IL12RB2: variants seen among roughly 807,000 people sequenced by gnomAD.
IL12RB2 encodes the protein interleukin 12 receptor subunit beta 2, also known as interleukin-12 receptor subunit beta-2.
A neutral mutation model predicts 89.4 loss-of-function variants in IL12RB2; 82 were observed. The ratio of observed to expected loss-of-function variants is 0.92; its 90% CI spans 0.77 to 1.10. The LOEUF (loss-of-function observed/expected upper bound fraction) is 1.10. Among genes scored for constraint, IL12RB2 ranks in the 50% least tolerant of loss-of-function variants. The pLI, the probability that IL12RB2 is intolerant of heterozygous loss-of-function variation, is 0.00. For missense variants in IL12RB2, 963 were observed against 1,031.9 expected (o/e 0.93, Z 0.92); for synonymous variants, 368 against 370.1 (o/e 0.99, Z 0.07).
intron 10 of IL12RB2, among the ~76,000 whole-genome samples, chr1:67,360,156 C>A (rs1392204029): frequency 6.6e-6 from 1 of 152,128 alleles, no homozygotes; most frequent in Non-Finnish European, 1.5e-5. Flanking sequence ...AATCCCAACA[C>A]TTTGGGAGGC....
intron 1 of IL12RB2, among the ~76,000 whole-genome samples, chr1:67,310,945 G>A (rs1014867268): frequency 1.3e-5 from 2 of 152,012 alleles, no homozygotes; most frequent in East Asian, 1.9e-4. Context: ...GGATGGTCTC[G>A]ATCTCTTGAC....
Position 67,320,345 on chromosome 1 carries a change from G to A in IL12RB2, c.-24G>A, listed in dbSNP as rs1656326817. 1 of 1,613,730 alleles carries A rather than the reference G, an allele frequency of 6.2e-7. No individual in the cohort carries two copies. Among genetic ancestry groups the A allele is most frequent in the Non-Finnish European group, 8.5e-7 (1 of 1,179,876 alleles). The stretch of plus-strand genomic sequence containing the variant: ...CTTCTTTTGCAAGGAAGAATACGGA[G>A]TTCTATACCAGAGTTGATTGTTGAT... On this transcript the variant is annotated 5_prime_UTR_variant, in exon 3 of 17. Coordinates refer to ENST00000674203, the MANE Select transcript of IL12RB2 (RefSeq NM_001374259.2).
intron 4 of IL12RB2, among the ~76,000 whole-genome samples, chr1:67,323,245 G>T (rs1656819936): frequency 6.6e-6 from 1 of 152,126 alleles, no homozygotes; most frequent in Non-Finnish European, 1.5e-5. Flanking sequence ...TAGGAAGGAG[G>T]TATAAACTAG....
intron 9 of IL12RB2, among the ~76,000 whole-genome samples, chr1:67,349,487 T>G (rs987002664): frequency 1.3e-5 from 2 of 152,202 alleles, no homozygotes; most frequent in Non-Finnish European, 1.5e-5. Flanking sequence ...AACATCCTAC[T>G]CTAAAAAGCA....
At chr1:67,377,119 G>A (rs918161079) in intron 13 of IL12RB2, among the ~76,000 whole-genome samples, 3 of 152,174 alleles carry the variant, frequency 2.0e-5, no homozygotes, top group African/African-American at 7.2e-5. Flanking sequence ...TAATATTATA[G>A]GACTTCATCT....
intron 11 of IL12RB2, 23 bp downstream of exon 11, chr1:67,368,048 T>G: frequency 6.3e-6 from 9 of 1,433,976 alleles, no homozygotes; most frequent in Non-Finnish European, 7.9e-6. Context: ...TCACCTTCCT[T>G]CTAGAGGGTT....
chr1:67,364,263 T>C (rs1397865590), intron 10 of IL12RB2, among the ~76,000 whole-genome samples: 1 of 152,166 alleles, frequency 6.6e-6, no homozygotes, highest in African/African-American at 2.4e-5. Context: ...TGGTGGTGCA[T>C]GCCTGTCATC....
At chr1:67,384,296 A>G (rs1664912058) in intron 14 of IL12RB2, among the ~76,000 whole-genome samples, 2 of 152,334 alleles carry the variant, frequency 1.3e-5, no homozygotes, top group Middle Eastern at 3.4e-3. Flanking sequence ...ACCACATGGA[A>G]GCTGCCAAGG....
chr1:67,396,095 G>A lies in IL12RB2; in HGVS notation c.*6G>A. The A allele has an allele frequency of 6.4e-7, 1 of 1,555,454 alleles. No homozygotes were observed. Among genetic ancestry groups the A allele is most frequent in the Non-Finnish European group, 8.9e-7 (1 of 1,126,906 alleles). ...GTGACTCCCTCATGCTCTGAGTGGT[G>A]AGGCTTCAAGCCTTAAAGTCAGTGT... On this transcript the variant is annotated 3_prime_UTR_variant, in exon 17 of 17. Transcript: ENST00000674203.
intron 11 of IL12RB2, among the ~76,000 whole-genome samples, chr1:67,369,333 C>G (rs1030778107): frequency 4.6e-5 from 7 of 152,188 alleles, no homozygotes; most frequent in Non-Finnish European, 1.0e-4. Flanking sequence ...TTTGACATTA[C>G]ACATAAAAGA....
chr1:67,384,989 C>T (rs1332261147), intron 14 of IL12RB2, among the ~76,000 whole-genome samples: 6 of 152,220 alleles, frequency 3.9e-5, no homozygotes, highest in Non-Finnish European at 1.5e-5. Flanking sequence ...AACTTTCCCA[C>T]ATTTTCCTGT....
intron 10 of IL12RB2, among the ~76,000 whole-genome samples, chr1:67,362,493 G>C (rs1219607671): frequency 6.8e-6 from 1 of 146,192 alleles, no homozygotes; most frequent in Non-Finnish European, 1.5e-5. Flanking sequence ...GTGAACCCGG[G>C]AAGCGGAGCT....
chr1:67,309,201 A>G (rs1654699843), intron 1 of IL12RB2, among the ~76,000 whole-genome samples: 1 of 152,104 alleles, frequency 6.6e-6, no homozygotes, highest in African/African-American at 2.4e-5. Context: ...AGCACCTACT[A>G]TGTATTTGGT....
At chr1:67,310,464 C>A (rs529931709) in intron 1 of IL12RB2, among the ~76,000 whole-genome samples, 5 of 152,228 alleles carry the variant, frequency 3.3e-5, no homozygotes, top group African/African-American at 1.2e-4. Flanking sequence ...TGATAGGTGG[C>A]ATGAAGTTAG....
intron 16 of IL12RB2, 69 bp from the exon 17 acceptor site, chr1:67,395,478 C>A (rs544223851): frequency 2.7e-4 from 431 of 1,613,122 alleles, no homozygotes; most frequent in Admixed American, 4.0e-4. Flanking sequence ...CCTTTGGGAA[C>A]CCTGGAGAAA....
intron 1 of IL12RB2, among the ~76,000 whole-genome samples, chr1:67,310,817 C>A (rs537316364): frequency 1.3e-5 from 2 of 152,228 alleles, no homozygotes; most frequent in South Asian, 4.2e-4. Context: ...CTCTGCCTCC[C>A]GGGTTCAGGT....
upstream of IL12RB2, chr1:67,307,858 C>A (rs1221677136): frequency 6.6e-6 from 1 of 152,120 alleles, no homozygotes; most frequent in African/African-American, 2.4e-5. Context: ...GCACCGGGAA[C>A]GCCCGAGCGC....
intron 14 of IL12RB2, among the ~76,000 whole-genome samples, chr1:67,384,136 C>T (rs1383556241): frequency 1.3e-5 from 2 of 152,184 alleles, no homozygotes; most frequent in Non-Finnish European, 2.9e-5. Context: ...CATTTCTCTT[C>T]CACACTGCTC....
At chr1:67,383,209 A>G (rs1664789081) in intron 14 of IL12RB2, among the ~76,000 whole-genome samples, 1 of 152,186 alleles carries the variant, frequency 6.6e-6, no homozygotes, top group African/African-American at 2.4e-5. Flanking sequence ...AAGGCCCCTT[A>G]GAAAACCATC....
Sources: gnomAD v4.1 joint callset for allele counts (sites outside exome capture counted in the v4.1 genomes callset) on GRCh38, gnomAD v4.1.1 for gene constraint, MANE v1.5 for transcripts, NCBI Gene and HGNC (gene_info 2026-07-23, HGNC 2026-07-21) for gene names.